Variants in RARB observed in about 807,000 individuals in gnomAD.
RARB encodes the protein HBV-activated protein.
In RARB, 17 loss-of-function variants were observed where a neutral mutation model predicts 51.9. The observed-to-expected ratio is 0.33, with a 90% CI of 0.22 to 0.49. The LOEUF (loss-of-function observed/expected upper bound fraction) is 0.49. Ranked by LOEUF, RARB falls within the 20% of genes least tolerant of loss-of-function variation. RARB has a pLI of 0.99. For missense variants in RARB, 369 were observed against 550.8 expected (o/e 0.67, Z 3.30); for synonymous variants, 215 against 195.4 (o/e 1.10, Z -0.84).
At chr3:25,233,732 T>C (rs1575240800) in intron 5 of RARB, among the ~76,000 whole-genome samples, 2 of 151,666 alleles carry the variant, frequency 1.3e-5, no homozygotes, top group South Asian at 4.1e-4. Context: ...GAATTTATTA[T>C]TACTGGTTTG....
At chr3:25,513,016 G>A (rs1697972363) in intron 3 of RARB, among the ~76,000 whole-genome samples, 1 of 151,772 alleles carries the variant, frequency 6.6e-6, no homozygotes, top group Non-Finnish European at 1.5e-5. Context: ...ACGGCTGGGT[G>A]CGATGGCTCA....
chr3:25,521,241 G>T (rs759203810), intron 3 of RARB, among the ~76,000 whole-genome samples: 8 of 152,084 alleles, frequency 5.3e-5, no homozygotes, highest in Non-Finnish European at 1.2e-4. Flanking sequence ...CTCTTGTCAC[G>T]GTAGAACTTC....
At chr3:25,250,345 G>A (rs1311940397) in intron 5 of RARB, among the ~76,000 whole-genome samples, 1 of 152,132 alleles carries the variant, frequency 6.6e-6, no homozygotes, top group Non-Finnish European at 1.5e-5. Flanking sequence ...ACAGGGATAG[G>A]GTAATTCCCA....
intron 4 of RARB, among the ~76,000 whole-genome samples, chr3:25,160,267 A>G (rs1424864887): frequency 1.3e-5 from 2 of 152,252 alleles, no homozygotes; most frequent in African/African-American, 2.4e-5. Context: ...AGAAAGCGAA[A>G]TAGCCAAATG....
chr3:25,336,852 C>T (rs17016213), intron 5 of RARB, among the ~76,000 whole-genome samples: 5,458 of 152,184 alleles, frequency 0.036, 145 homozygotes, highest in Middle Eastern at 0.061. Flanking sequence ...TAGAACGGCT[C>T]ACTTGGGAGA....
At chr3:25,401,976 C>A (rs59648542) in intron 5 of RARB, among the ~76,000 whole-genome samples, 15,967 of 151,968 alleles carry the variant, frequency 0.11, 980 homozygotes, top group South Asian at 0.17. Context: ...CAGGGTTTCA[C>A]CATTTGGCCA....
chr3:24,849,037 C>G (rs114012450), intron 1 of RARB, among the ~76,000 whole-genome samples: 3,246 of 152,290 alleles, frequency 0.021, 110 homozygotes, highest in African/African-American at 0.074. Flanking sequence ...CCACTGTTAT[C>G]TGCAGGGGAT....
chr3:25,408,082 C>G (rs1177993002), intron 5 of RARB, among the ~76,000 whole-genome samples: 1 of 152,174 alleles, frequency 6.6e-6, no homozygotes, highest in Non-Finnish European at 1.5e-5. Context: ...AAACTCAAAA[C>G]CTTGTCTCAA....
At position 25,593,178 on chromosome 3, in the gene RARB, T is replaced by TTTTA. The variant is rs1553637351; in HGVS notation, c.787-325_787-324insTTTA. Among the ~76,000 whole-genome samples, 635 of 152,060 alleles carry TTTTA rather than the reference T, an allele frequency of 4.2e-3. 7 individuals carry two copies. Among genetic ancestry groups the TTTTA allele is most frequent in the African/African-American group, 0.014 (599 of 41,468 alleles). On this transcript the variant is annotated intron_variant, in intron 5 of 7. Coordinates refer to ENST00000330688, the MANE Select transcript of RARB (RefSeq NM_000965.5). ...AATCTTATTCATCTTTTTTTTTTTT[T>TTTTA]ATCTCCAGCACCTGGCACAGTGCCT...
intron 2 of RARB, among the ~76,000 whole-genome samples, chr3:25,498,018 AG>A (rs1392702014): frequency 6.6e-6 from 1 of 152,114 alleles, no homozygotes; most frequent in African/African-American, 2.4e-5. Context: ...AGAAGTGAGG[AG>A]GGCTGGGGCT....
At position 25,207,624 on chromosome 3, in the gene RARB, T is replaced by A. The variant is rs12632022; in HGVS notation, c.178+33049T>A. Among the ~76,000 whole-genome samples, 116 of 152,340 alleles carry A rather than the reference T, an allele frequency of 7.6e-4. No homozygotes were observed. The East Asian group carries it at 0.022, about 29-fold the overall frequency. On this transcript the variant is annotated intron_variant, in intron 5 of 11. Transcript: ENST00000383772. ...AAATGTTTTATTATACCAAATCATT[T>A]ACTTAATTATTTAATTTCTCTCTCC...
intron 2 of RARB, among the ~76,000 whole-genome samples, chr3:25,040,472 C>T (rs1215497160): frequency 6.6e-6 from 1 of 152,182 alleles, no homozygotes; most frequent in Non-Finnish European, 1.5e-5. Flanking sequence ...GTGGGTTACA[C>T]CTGTGATCTC....
intron 5 of RARB, among the ~76,000 whole-genome samples, chr3:25,389,835 G>A (rs1372507726): frequency 6.6e-6 from 1 of 152,138 alleles, no homozygotes; most frequent in African/African-American, 2.4e-5. Flanking sequence ...GGGCACAAGG[G>A]AAAAGAGCAT....
At position 24,902,569 on chromosome 3, in the gene RARB, T is replaced by G. The variant is rs575911242; in HGVS notation, c.-380+43817T>G. The stretch of plus-strand genomic sequence containing the variant: ...GTCTGGGTTGGGAATTTTATGAATT[T>G]ATATGTATTGTACAGTGAACCGAGG... On this transcript the variant is annotated intron_variant, in intron 2 of 11. Coordinates refer to the RARB transcript ENST00000383772. Among the ~76,000 whole-genome samples the G allele has an allele frequency of 3.3e-5, 5 of 152,312 alleles. No homozygotes were observed. The East Asian group carries it at 9.6e-4, about 29-fold the overall frequency.
At chr3:25,159,258 C>A (rs373910261) in intron 4 of RARB, among the ~76,000 whole-genome samples, 1 of 150,470 alleles carries the variant, frequency 6.6e-6, no homozygotes, top group African/African-American at 2.4e-5. Flanking sequence ...CCACCTCCCC[C>A]TCCCCGGTTC....
At chr3:25,327,413 T>C (rs943867859) in intron 5 of RARB, among the ~76,000 whole-genome samples, 27 of 152,040 alleles carry the variant, frequency 1.8e-4, no homozygotes, top group African/African-American at 6.3e-4. Context: ...GCAATTGGAA[T>C]CAGAAAGACA....
intron 1 of RARB, among the ~76,000 whole-genome samples, chr3:25,446,631 A>G (rs1178579447): frequency 6.6e-6 from 1 of 151,706 alleles, no homozygotes; most frequent in Non-Finnish European, 1.5e-5. Context: ...GTGAAACCCC[A>G]TCTCTACTAA....
intron 5 of RARB, among the ~76,000 whole-genome samples, chr3:25,210,208 T>C (rs1463069500): frequency 1.3e-5 from 2 of 152,190 alleles, no homozygotes; most frequent in Admixed American, 6.5e-5. Context: ...CTGTCCGTTA[T>C]GGTCTACACT....
chr3:25,134,344 T>G (rs1411496624), intron 4 of RARB, among the ~76,000 whole-genome samples: 4 of 151,954 alleles, frequency 2.6e-5, no homozygotes, highest in Admixed American at 2.6e-4. Flanking sequence ...AAGACACAGG[T>G]TCTAGAGCCA....
Sources: allele counts gnomAD v4.1 joint callset (sites outside exome capture counted in the v4.1 genomes callset), GRCh38; gene constraint gnomAD v4.1.1; transcripts MANE v1.5; gene names NCBI Gene and HGNC (gene_info 2026-07-23, HGNC 2026-07-21).